Variants in VPS13B observed in about 807,000 individuals in gnomAD.
The protein encoded by VPS13B is vacuolar protein sorting 13 homolog B.
Under a neutral mutation model 426.4 loss-of-function variants are expected in VPS13B, and 285 were observed. The ratio of observed to expected loss-of-function variants is 0.67; its 90% CI spans 0.61 to 0.74. The LOEUF (loss-of-function observed/expected upper bound fraction) is 0.74. Among genes scored for constraint, VPS13B ranks in the 30% least tolerant of loss-of-function variants. VPS13B has a pLI of 0.00. For missense variants in VPS13B, 4,537 were observed against 4,782.6 expected (o/e 0.95, Z 1.51); for synonymous variants, 1,676 against 1,676.4 (o/e 1.00, Z 0.01).
At chr8:99,307,188 A>G (rs1244545577) in intron 19 of VPS13B, among the ~76,000 whole-genome samples, 1 of 152,094 alleles carries the variant, frequency 6.6e-6, no homozygotes, top group Non-Finnish European at 1.5e-5. Flanking sequence ...CTATATATGT[A>G]TTCTATATCT....
intron 25 of VPS13B, among the ~76,000 whole-genome samples, chr8:99,500,067 G>C (rs903984596): frequency 1.3e-5 from 2 of 152,096 alleles, no homozygotes; most frequent in African/African-American, 2.4e-5. Flanking sequence ...GGTTTGTTTT[G>C]TACAGGATTT....
At chr8:99,686,065 A>C (rs1831385500) in intron 35 of VPS13B, among the ~76,000 whole-genome samples, 1 of 152,210 alleles carries the variant, frequency 6.6e-6, no homozygotes, top group Non-Finnish European at 1.5e-5. Flanking sequence ...CCATATCTGC[A>C]TTAGGGGGCA....
intron 39 of VPS13B, among the ~76,000 whole-genome samples, chr8:99,724,861 T>C (rs1390218533): frequency 1.3e-5 from 2 of 152,220 alleles, no homozygotes; most frequent in Non-Finnish European, 2.9e-5. Flanking sequence ...GCTCTGTTAC[T>C]CTGCCAGACT....
At chr8:99,440,232 A>G (rs1817613792) in intron 22 of VPS13B, among the ~76,000 whole-genome samples, 1 of 152,158 alleles carries the variant, frequency 6.6e-6, no homozygotes. Flanking sequence ...TGATGCATTC[A>G]TGAATAGGAT....
intron 17 of VPS13B, among the ~76,000 whole-genome samples, chr8:99,221,340 T>G (rs1179819937): frequency 6.6e-6 from 1 of 151,976 alleles, no homozygotes. Context: ...TATTTCTAGT[T>G]CTAGATCCCT....
chr8:99,115,608 A>G (rs1847617040), intron 6 of VPS13B, 92 bp from the exon 7 acceptor site: 1 of 1,215,502 alleles, frequency 8.2e-7, no homozygotes, highest in Non-Finnish European at 1.2e-6. Flanking sequence ...CTTTTATGTT[A>G]TGCCATTTAA....
intron 20 of VPS13B, among the ~76,000 whole-genome samples, chr8:99,390,209 T>C (rs1365904417): frequency 6.6e-6 from 1 of 152,014 alleles, no homozygotes; most frequent in African/African-American, 2.4e-5. Flanking sequence ...GCCATTCTCC[T>C]GCCTCAGCCT....
At chr8:99,671,590 T>C (rs994829166) in intron 35 of VPS13B, among the ~76,000 whole-genome samples, 3 of 152,160 alleles carry the variant, frequency 2.0e-5, no homozygotes, top group African/African-American at 7.2e-5. Context: ...TTCTAGTAGT[T>C]TCGTAGTTTT....
At chr8:99,459,557 A>G (rs962850605) in intron 23 of VPS13B, among the ~76,000 whole-genome samples, 29 of 152,336 alleles carry the variant, frequency 1.9e-4, no homozygotes, top group African/African-American at 5.8e-4. Flanking sequence ...CTCTTAGGCT[A>G]CAAACCTGTA....
At chr8:99,253,228 CCATT>C (rs747456785) in intron 17 of VPS13B, among the ~76,000 whole-genome samples, 2 of 151,964 alleles carry the variant, frequency 1.3e-5, no homozygotes, top group Non-Finnish European at 2.9e-5. Context: ...TTTTGTTTCT[CCATT>C]CATTAAGAGT....
intron 17 of VPS13B, among the ~76,000 whole-genome samples, chr8:99,239,396 C>T (rs563061418): frequency 1.3e-5 from 2 of 151,994 alleles, no homozygotes; most frequent in Non-Finnish European, 2.9e-5. Context: ...CCTATTTTGC[C>T]GAGTAAACTG....
intron 17 of VPS13B, among the ~76,000 whole-genome samples, chr8:99,196,385 T>C (rs1282735592): frequency 6.6e-6 from 1 of 152,046 alleles, no homozygotes; most frequent in Non-Finnish European, 1.5e-5. Flanking sequence ...ATGGTACTGA[T>C]TTTTACATGT....
intron 15 of VPS13B, among the ~76,000 whole-genome samples, chr8:99,167,338 C>G (rs950348083): frequency 3.3e-5 from 5 of 152,034 alleles, no homozygotes; most frequent in African/African-American, 7.2e-5. Flanking sequence ...GAAAGAAATG[C>G]TTATTTGTTC....
chr8:99,481,343 A>G (rs575888098), intron 24 of VPS13B, among the ~76,000 whole-genome samples: 9 of 152,296 alleles, frequency 5.9e-5, no homozygotes, highest in African/African-American at 2.2e-4. Context: ...ATTGAAATCA[A>G]TCTACTGTTT....
chr8:99,773,720 C>T (rs1012621985), intron 40 of VPS13B, among the ~76,000 whole-genome samples: 3 of 152,160 alleles, frequency 2.0e-5, no homozygotes, highest in African/African-American at 7.2e-5. Context: ...GGTCTTGCTT[C>T]CAGGAACTAT....
chr8:99,064,400 G>A (rs1034078881), intron 3 of VPS13B, among the ~76,000 whole-genome samples: 1 of 152,184 alleles, frequency 6.6e-6, no homozygotes, highest in Non-Finnish European at 1.5e-5. Flanking sequence ...AAACAGTATA[G>A]AGAAGACCTT....
chr8:99,575,514 A>C, intron 31 of VPS13B, 144 bp from the exon 32 acceptor site: 1 of 939,154 alleles, frequency 1.1e-6, no homozygotes, highest in Non-Finnish European at 1.6e-6. Context: ...AGAAACGATG[A>C]CTGTAAAATA....
At chr8:99,502,130 G>A (rs141039298) in intron 26 of VPS13B, among the ~76,000 whole-genome samples, 4 of 151,984 alleles carry the variant, frequency 2.6e-5, no homozygotes, top group Non-Finnish European at 4.4e-5. Flanking sequence ...GATTACAGGC[G>A]TGCACCACGA....
At chr8:99,832,306 T>A (rs1264596002) in intron 51 of VPS13B, 63 bp from the exon 52 acceptor site, 1 of 1,448,744 alleles carries the variant, frequency 6.9e-7, no homozygotes, top group East Asian at 2.7e-5. Context: ...AAAAGTTTAA[T>A]TCTGCTGTAT....
Sources: allele counts gnomAD v4.1 joint callset (sites outside exome capture counted in the v4.1 genomes callset), GRCh38; gene constraint gnomAD v4.1.1; transcripts MANE v1.5; gene names NCBI Gene and HGNC (gene_info 2026-07-23, HGNC 2026-07-21).